The following LUC7L3 variants were observed in gnomAD, a reference collection of about 807,000 sequenced individuals.
The protein encoded by LUC7L3 is luc7-like protein 3.
In LUC7L3, 6 loss-of-function variants were observed where a neutral mutation model predicts 66.8. The observed-to-expected ratio is 0.09, with a 90% CI of 0.05 to 0.18. The LOEUF is 0.18. Among genes scored for constraint, LUC7L3 ranks in the 10% least tolerant of loss-of-function variants. The probability of loss-of-function intolerance (pLI) is 1.00; values close to 1 mark genes in which losing one functional copy is unlikely to be tolerated. For synonymous variants in LUC7L3, 160 were observed against 174.7 expected, an observed-to-expected ratio of 0.92 and a Z score of 0.66; for missense variants, 341 against 531.1, an observed-to-expected ratio of 0.64 and a Z score of 3.52.
At chr17:50,735,427 G>A (rs1225183117) in intron 1 of LUC7L3, among the ~76,000 whole-genome samples, 1 of 151,996 alleles carries the variant, frequency 6.6e-6, no homozygotes, top group Non-Finnish European at 1.5e-5. Context: ...GAACTTTCAG[G>A]TTTAAATTTA....
At chr17:50,742,343 A>G (rs1039377695) in intron 5 of LUC7L3, among the ~76,000 whole-genome samples, 3 of 152,226 alleles carry the variant, frequency 2.0e-5, no homozygotes, top group African/African-American at 7.2e-5. Context: ...TGTAGATGAT[A>G]TTGGAGTCTG....
At chr17:50,746,110 T>A in intron 8 of LUC7L3, 107 bp downstream of exon 8, 1 of 1,405,402 alleles carries the variant, frequency 7.1e-7, no homozygotes, top group East Asian at 2.5e-5. Flanking sequence ...CTCTTAAGCA[T>A]CTTTAAGTGA....
At chr17:50,741,874 GGA>G in intron 5 of LUC7L3, 143 bp downstream of exon 5, 2 of 606,396 alleles carry the variant, frequency 3.3e-6, no homozygotes, top group Non-Finnish European at 5.7e-6. Context: ...TGCTTGAGCC[GGA>G]GAATTTGAGA....
At chr17:50,730,845 CAGG>C (rs2146713426) in intron 1 of LUC7L3, among the ~76,000 whole-genome samples, 1 of 152,016 alleles carries the variant, frequency 6.6e-6, no homozygotes, top group African/African-American at 2.4e-5. Flanking sequence ...GAGGCTGAGG[CAGG>C]AGAATCACTT....
At chr17:50,737,312 T>TAG (rs1186119718) in intron 2 of LUC7L3, 2 of 523,824 alleles carry the variant, frequency 3.8e-6, no homozygotes, top group Admixed American at 4.5e-5. Context: ...GAGATAACAT[T>TAG]AGAGATGTCA....
intron 2 of LUC7L3, among the ~76,000 whole-genome samples, chr17:50,737,853 A>G (rs780184955): frequency 2.0e-5 from 3 of 152,200 alleles, no homozygotes; most frequent in Non-Finnish European, 4.4e-5. Context: ...ACCACAAAAT[A>G]GAAAAAAATA....
rs759890269 is a variant in LUC7L3, at chr17:50,750,727, T to C, written c.*66T>C. The C allele has an allele frequency of 7.4e-6, 12 of 1,613,364 alleles. No homozygotes were observed. Among genetic ancestry groups the C allele is most frequent in the Non-Finnish European group, 1.0e-5 (12 of 1,179,854 alleles). ...TATTGTTTCTCACTTTGATTAGGGC[T>C]TTTTGTTACTGTTTGACAGTGCAGC... On this transcript the variant is annotated 3_prime_UTR_variant, in exon 10 of 10. Coordinates refer to ENST00000505658, the MANE Select transcript of LUC7L3 (RefSeq NM_016424.5).
Position 50,751,068 on chromosome 17 carries a change from A to T in LUC7L3, c.*407A>T. On this transcript the variant is annotated 3_prime_UTR_variant, in exon 10 of 10. Coordinates refer to ENST00000505658, the MANE Select transcript of LUC7L3 (RefSeq NM_016424.5). ...TATTAAGTCCATCTTGTGTTGGTAC[A>T]TTGGCAGAGACATATGCTTTAAAAA... 1 of 1,439,460 alleles carries T rather than the reference A, an allele frequency of 6.9e-7. No individual in the cohort carries two copies. The highest frequency in any genetic ancestry group is 1.5e-5 in the South Asian group (1 of 65,912). 89.2% of individuals were successfully genotyped at this position (1,439,460 alleles called of 1,614,324 possible).
intron 3 of LUC7L3, among the ~76,000 whole-genome samples, chr17:50,740,876 G>A (rs1183170690): frequency 2.0e-5 from 3 of 152,120 alleles, no homozygotes; most frequent in African/African-American, 7.2e-5. Flanking sequence ...TTATCCATGA[G>A]ACTTGTCCTA....
intron 5 of LUC7L3, among the ~76,000 whole-genome samples, chr17:50,743,417 G>C (rs1311616001): frequency 1.3e-5 from 2 of 151,902 alleles, no homozygotes; most frequent in African/African-American, 4.8e-5. Flanking sequence ...TGTTGGCCAG[G>C]CTGGTCTTGA....
Position 50,737,248 on chromosome 17 carries a change from C to G in LUC7L3, c.166+222C>G, listed in dbSNP as rs533880720. ...AAACATACATGTCTATTTCCACTCC[C>G]TCCCAAAACTCCACTTAAATGAAAA... On this transcript the variant is annotated intron_variant, in intron 2 of 9. Transcript: ENST00000505658. The G allele has an allele frequency of 8.6e-5, 56 of 648,200 alleles. 2 individuals carry two copies. The highest frequency in any genetic ancestry group is 8.2e-4 in the South Asian group (53 of 64,326). 40.2% of individuals were successfully genotyped at this position (648,200 alleles called of 1,614,324 possible). A position where few individuals can be genotyped will look rare whatever the true frequency, so the allele number is the denominator to read the frequency against.
At chr17:50,745,435 T>C (rs1341936613) in intron 7 of LUC7L3, among the ~76,000 whole-genome samples, 1 of 152,216 alleles carries the variant, frequency 6.6e-6, no homozygotes, top group Non-Finnish European at 1.5e-5. Flanking sequence ...TTCCTATGTG[T>C]AATTATTTTT....
At chr17:50,743,016 G>A (rs1449037095) in intron 5 of LUC7L3, among the ~76,000 whole-genome samples, 1 of 152,130 alleles carries the variant, frequency 6.6e-6, no homozygotes, top group Non-Finnish European at 1.5e-5. Context: ...TTTAGAAAAT[G>A]CATATTAACC....
At chr17:50,724,246 G>T in intron 1 of LUC7L3, 2 of 186,726 alleles carry the variant, frequency 1.1e-5, no homozygotes, top group South Asian at 1.4e-4. Flanking sequence ...ATAGCCGACC[G>T]GGCATGGTGG....
At chr17:50,731,979 C>T (rs1969637593) in intron 1 of LUC7L3, among the ~76,000 whole-genome samples, 1 of 152,112 alleles carries the variant, frequency 6.6e-6, no homozygotes, top group Non-Finnish European at 1.5e-5. Flanking sequence ...TAATAGGGAC[C>T]TACGAACAGA....
At chr17:50,735,230 C>CAAAAA (rs907051149) in intron 1 of LUC7L3, among the ~76,000 whole-genome samples, 4 of 65,008 alleles carry the variant, frequency 6.2e-5, no homozygotes, top group East Asian at 5.0e-4. Flanking sequence ...AACTCTGTCT[C>CAAAAA]AAAAAAAAAA....
chr17:50,732,465 T>C (rs1343400007), intron 1 of LUC7L3, among the ~76,000 whole-genome samples: 1 of 152,056 alleles, frequency 6.6e-6, no homozygotes. Flanking sequence ...CACTGCAGCC[T>C]CAACCTCCTG....
intron 1 of LUC7L3, among the ~76,000 whole-genome samples, chr17:50,735,465 C>T (rs1969921865): frequency 6.6e-6 from 1 of 151,820 alleles, no homozygotes; most frequent in South Asian, 2.1e-4. Context: ...TTTCCTTTCC[C>T]TTTTCCTTTT....
chr17:50,722,562 CTTTTA>C (rs1968858086), intron 1 of LUC7L3: 1 of 152,152 alleles, frequency 6.6e-6, no homozygotes, highest in African/African-American at 2.4e-5. Flanking sequence ...TAGTCCTGGG[CTTTTA>C]ATTGTGCATA....
Sources: allele counts gnomAD v4.1 joint callset (sites outside exome capture counted in the v4.1 genomes callset), GRCh38; gene constraint gnomAD v4.1.1; transcripts MANE v1.5; gene names NCBI Gene and HGNC (gene_info 2026-07-23, HGNC 2026-07-21).